RASEF: variants seen among roughly 807,000 people sequenced by gnomAD.
The protein encoded by RASEF is RAS and EF-hand domain containing.
In RASEF, 68 loss-of-function variants were observed where a neutral mutation model predicts 90.1. The observed-to-expected ratio is 0.75, with a 90% confidence interval of 0.62 to 0.92. RASEF has a LOEUF of 0.92. Ranked by LOEUF, RASEF falls within the 40% of genes least tolerant of loss-of-function variation. RASEF has a pLI of 0.00. For missense variants in RASEF, 949 were observed against 937.2 expected, an observed-to-expected ratio of 1.01 and a Z score of -0.16; for synonymous variants, 331 against 345.2, an observed-to-expected ratio of 0.96 and a Z score of 0.46.
At chr9:83,026,322 T>C (rs113947312) in intron 1 of RASEF, among the ~76,000 whole-genome samples, 4,519 of 152,242 alleles carry the variant, frequency 0.03, 208 homozygotes, top group African/African-American at 0.1. Context: ...GGTGTATTAG[T>C]CCATTTTCAC....
chr9:83,169,776 C>T, the RASEF span, among the ~76,000 whole-genome samples: 1 of 151,986 alleles, frequency 6.6e-6, no homozygotes, highest in African/African-American at 2.4e-5. Context: ...ATCCTTTGCT[C>T]ATTTTTAATT....
At chr9:83,055,849 A>G (rs1830093713) in intron 1 of RASEF, among the ~76,000 whole-genome samples, 1 of 152,238 alleles carries the variant, frequency 6.6e-6, no homozygotes, top group Non-Finnish European at 1.5e-5. Flanking sequence ...CAATTTGAGA[A>G]ACATTCGATG....
the RASEF span, among the ~76,000 whole-genome samples, chr9:83,110,782 G>C: frequency 6.6e-6 from 1 of 152,110 alleles, no homozygotes. Flanking sequence ...CCACCTGTTT[G>C]TTCTGAAAAG....
upstream of RASEF, among the ~76,000 whole-genome samples, chr9:83,063,443 G>A (rs1830253803): frequency 6.6e-6 from 1 of 152,236 alleles, no homozygotes; most frequent in Non-Finnish European, 1.5e-5. Context: ...GATTCCGAAT[G>A]GGTTAAGTGC....
At chr9:83,056,875 G>C (rs796738814) in intron 1 of RASEF, among the ~76,000 whole-genome samples, 10 of 152,326 alleles carry the variant, frequency 6.6e-5, no homozygotes, top group African/African-American at 2.4e-4. Flanking sequence ...TGAGCAATCA[G>C]TGAATTCTGA....
At chr9:83,102,849 G>T in the RASEF span, among the ~76,000 whole-genome samples, 3 of 152,194 alleles carry the variant, frequency 2.0e-5, no homozygotes, top group African/African-American at 7.2e-5. Context: ...AAAGGAGGTA[G>T]TTGGGGGGTA....
At chr9:83,132,481 C>G in the RASEF span, among the ~76,000 whole-genome samples, 1 of 152,124 alleles carries the variant, frequency 6.6e-6, no homozygotes, top group Non-Finnish European at 1.5e-5. Flanking sequence ...GATTCCTGAC[C>G]CATGGACACT....
At chr9:83,109,823 C>T in the RASEF span, among the ~76,000 whole-genome samples, 2 of 152,178 alleles carry the variant, frequency 1.3e-5, no homozygotes, top group Middle Eastern at 6.8e-3. Context: ...GTTATAAATT[C>T]CCCCCTCAAT....
chr9:83,003,320 GC>G (rs1281750196), intron 9 of RASEF, among the ~76,000 whole-genome samples: 1 of 152,124 alleles, frequency 6.6e-6, no homozygotes, highest in African/African-American at 2.4e-5. Flanking sequence ...ACTCAAACAT[GC>G]TGGGGACGTG....
At chr9:83,158,843 C>T in the RASEF span, among the ~76,000 whole-genome samples, 1 of 150,298 alleles carries the variant, frequency 6.7e-6, no homozygotes, top group Non-Finnish European at 1.5e-5. Flanking sequence ...CACACACACA[C>T]TCACCTGGGG....
chr9:83,102,897 G>A, the RASEF span, among the ~76,000 whole-genome samples: 8 of 152,218 alleles, frequency 5.3e-5, no homozygotes, highest in Non-Finnish European at 7.3e-5. Flanking sequence ...ATTTGCAGCC[G>A]AGTCCTTTGC....
At chr9:83,009,495 C>A (rs1587491473) in intron 6 of RASEF, 146 bp downstream of exon 6, 1 of 526,176 alleles carries the variant, frequency 1.9e-6, no homozygotes. Flanking sequence ...ACTAGGAAAC[C>A]TGATACTGAA....
the RASEF span, among the ~76,000 whole-genome samples, chr9:83,090,955 C>A: frequency 2.0e-5 from 3 of 152,026 alleles, no homozygotes; most frequent in African/African-American, 7.2e-5. Context: ...CCACTGAAGT[C>A]TCTGCTCAGT....
the RASEF span, among the ~76,000 whole-genome samples, chr9:83,195,165 G>A: frequency 1.3e-5 from 2 of 152,154 alleles, no homozygotes; most frequent in Non-Finnish European, 2.9e-5. Context: ...TTATGCCTCT[G>A]GCTTCATGCA....
chr9:82,989,206 GTATA>G, intron 16 of RASEF, among the ~76,000 whole-genome samples: 1 of 148,414 alleles, frequency 6.7e-6, no homozygotes, highest in African/African-American at 2.5e-5. Context: ...ATGTATATAT[GTATA>G]TGTATGTGTG....
At chr9:83,093,585 G>A in the RASEF span, among the ~76,000 whole-genome samples, 76 of 152,362 alleles carry the variant, frequency 5.0e-4, no homozygotes, top group Non-Finnish European at 9.0e-4. Context: ...TGGCCGAGCC[G>A]GTCGGCTGCT....
chr9:83,015,586 A>T (rs1345757687), intron 4 of RASEF, among the ~76,000 whole-genome samples: 1 of 152,202 alleles, frequency 6.6e-6, no homozygotes, highest in Admixed American at 6.5e-5. Context: ...AGGCTGAGAC[A>T]GGAGAATCAT....
At chr9:83,012,573 T>G (rs1564077069) in intron 4 of RASEF, 62 bp from the exon 5 acceptor site, 1 of 981,058 alleles carries the variant, frequency 1.0e-6, no homozygotes, top group East Asian at 2.8e-5. Context: ...TGGTTAAGTT[T>G]AGGACTATCC....
intron 4 of RASEF, among the ~76,000 whole-genome samples, chr9:83,013,172 A>G (rs1286336473): frequency 6.6e-6 from 1 of 152,166 alleles, no homozygotes; most frequent in African/African-American, 2.4e-5. Flanking sequence ...TTACCAGACT[A>G]AATTGGTTCC....
Sources: allele counts gnomAD v4.1 joint callset (sites outside exome capture counted in the v4.1 genomes callset), GRCh38; gene constraint gnomAD v4.1.1; transcripts MANE v1.5; gene names NCBI Gene and HGNC (gene_info 2026-07-23, HGNC 2026-07-21).